FAT3: variants seen among roughly 807,000 people sequenced by gnomAD.
FAT3 encodes FAT atypical cadherin 3.
Under a neutral mutation model 310.2 loss-of-function variants are expected in FAT3, and 95 were observed. The observed-to-expected ratio is 0.31, with a 90% CI of 0.26 to 0.36. The LOEUF (loss-of-function observed/expected upper bound fraction) is 0.36, where lower values mean the gene tolerates loss of function less well. Ranked by LOEUF, FAT3 falls within the 10% of genes least tolerant of loss-of-function variation. The probability of loss-of-function intolerance (pLI) is 1.00; values close to 1 mark genes in which losing one functional copy is unlikely to be tolerated. For synonymous variants in FAT3, 2,314 were observed against 2,192.9 expected (o/e 1.06, Z -1.54); for missense variants, 5,408 against 5,715.6 (o/e 0.95, Z 1.74).
chr11:92,554,113 T>G (rs1954922639), intron 3 of FAT3, among the ~76,000 whole-genome samples: 1 of 151,984 alleles, frequency 6.6e-6, no homozygotes, highest in African/African-American at 2.4e-5. Flanking sequence ...GCTCCCTGTT[T>G]CTTTGTTATT....
intron 1 of FAT3, among the ~76,000 whole-genome samples, chr11:92,323,051 G>GA (rs1450720939): frequency 6.6e-6 from 1 of 152,072 alleles, no homozygotes; most frequent in Non-Finnish European, 1.5e-5. Context: ...ATAGCCATTT[G>GA]AAATGAATTT....
chr11:92,875,030 A>G (rs1292824810), intron 22 of FAT3, among the ~76,000 whole-genome samples: 1 of 152,052 alleles, frequency 6.6e-6, no homozygotes, highest in East Asian at 1.9e-4. Context: ...ATCATTATTG[A>G]TATTTTTGAA....
At chr11:92,312,005 A>G (rs1458203) in intron 1 of FAT3, among the ~76,000 whole-genome samples, 56,565 of 152,040 alleles carry the variant, frequency 0.37, 14,857 homozygotes, top group African/African-American at 0.75. Context: ...AAAAAAAACA[A>G]ATACTTCGCC....
chr11:92,804,848 G>A (rs1294533846), intron 10 of FAT3, among the ~76,000 whole-genome samples: 2 of 152,308 alleles, frequency 1.3e-5, no homozygotes, highest in Admixed American at 6.5e-5. Context: ...CTGAGAAGAC[G>A]ATTGATTGTT....
chr11:92,440,970 T>C (rs898199839), intron 2 of FAT3, among the ~76,000 whole-genome samples: 2 of 152,196 alleles, frequency 1.3e-5, no homozygotes, highest in African/African-American at 4.8e-5. Flanking sequence ...TCCAATCTCT[T>C]GCAGCACTAA....
intron 3 of FAT3, among the ~76,000 whole-genome samples, chr11:92,644,406 T>C (rs2135737186): frequency 6.6e-6 from 1 of 152,308 alleles, no homozygotes; most frequent in East Asian, 1.9e-4. Flanking sequence ...ACTTCCTCAC[T>C]GGGTGATGCT....
At chr11:92,278,785 C>T (rs1256477445) in intron 1 of FAT3, among the ~76,000 whole-genome samples, 2 of 152,098 alleles carry the variant, frequency 1.3e-5, no homozygotes, top group Non-Finnish European at 1.5e-5. Context: ...GGTTTCCTGT[C>T]ATTAGTAGCG....
intron 2 of FAT3, among the ~76,000 whole-genome samples, chr11:92,356,640 T>G (rs1011980465): frequency 1.2e-4 from 18 of 152,244 alleles, no homozygotes; most frequent in Admixed American, 1.2e-3. Flanking sequence ...ATTAAGGCTG[T>G]ACCCTCATGA....
At chr11:92,818,487 A>G (rs926616262) in intron 13 of FAT3, among the ~76,000 whole-genome samples, 2 of 144,218 alleles carry the variant, frequency 1.4e-5, no homozygotes, top group African/African-American at 5.2e-5. Context: ...AGGATTTTCT[A>G]AGTAGACAGC....
chr11:92,462,909 A>G (rs1453506364), intron 2 of FAT3, among the ~76,000 whole-genome samples: 3 of 152,216 alleles, frequency 2.0e-5, no homozygotes, highest in Non-Finnish European at 4.4e-5. Context: ...ACTTTCCTGC[A>G]GTCAACTCTG....
rs758031100 is a variant in FAT3, at chr11:92,790,087, A to G, written c.4480A>G (p.Ser1494Gly). 15 of 1,613,758 alleles carry G rather than the reference A, an allele frequency of 9.3e-6. No homozygotes were observed. In the East Asian group the frequency reaches 3.1e-4, roughly 34 times the overall value. ...AGATAGAGATGAGAAGCACAAGCTG[A>G]GCTACACTGTTCATAGCAGCATCGA... The part of the protein sequence containing the change: ...ATDRDEKHKL[S>G]YTVHSSIDSI... Residue 1494 changes from serine (S) to glycine (G), a missense_variant, in exon 8 of 28, where the codon AGC becomes GGC. Coordinates refer to ENST00000525166, the MANE Select transcript of FAT3 (RefSeq NM_001367949.2).
chr11:92,412,740 T>TATAA (rs1555038610), intron 2 of FAT3, among the ~76,000 whole-genome samples: 157 of 76,252 alleles, frequency 2.1e-3, no homozygotes, highest in African/African-American at 0.014. Context: ...TATATATATA[T>TATAA]ATATAAATAT....
intron 2 of FAT3, among the ~76,000 whole-genome samples, chr11:92,521,464 G>T (rs1187191336): frequency 3.3e-5 from 5 of 152,118 alleles, no homozygotes; most frequent in Non-Finnish European, 7.4e-5. Context: ...CATTTAGAAT[G>T]CCTATGGTAT....
intron 10 of FAT3, among the ~76,000 whole-genome samples, chr11:92,804,697 G>C (rs371797317): frequency 2.0e-5 from 3 of 152,120 alleles, no homozygotes; most frequent in Non-Finnish European, 2.9e-5. Context: ...TATGATAAAG[G>C]CTTCATTAAA....
chr11:92,239,688 G>A (rs1590991986), intron 1 of FAT3, among the ~76,000 whole-genome samples: 2 of 152,256 alleles, frequency 1.3e-5, no homozygotes, highest in African/African-American at 4.8e-5. Flanking sequence ...TTGCACAGGA[G>A]AGGTTGAATT....
chr11:92,297,333 A>T (rs1946876008), intron 1 of FAT3, among the ~76,000 whole-genome samples: 1 of 152,102 alleles, frequency 6.6e-6, no homozygotes, highest in Admixed American at 6.6e-5. Context: ...AAGGCCTTGT[A>T]TTAGTTAGTT....
intron 2 of FAT3, among the ~76,000 whole-genome samples, chr11:92,359,385 T>G (rs908195776): frequency 2.6e-5 from 4 of 152,236 alleles, no homozygotes; most frequent in African/African-American, 9.6e-5. Flanking sequence ...AAAAATCTAT[T>G]TCTATGCTTC....
At chr11:92,329,934 G>C (rs1287827866) in intron 1 of FAT3, among the ~76,000 whole-genome samples, 1 of 151,534 alleles carries the variant, frequency 6.6e-6, no homozygotes, top group Non-Finnish European at 1.5e-5. Flanking sequence ...CCTGTGCTTA[G>C]TACACTTCAG....
intron 2 of FAT3, among the ~76,000 whole-genome samples, chr11:92,443,089 G>T (rs1282880916): frequency 6.6e-6 from 1 of 152,108 alleles, no homozygotes; most frequent in African/African-American, 2.4e-5. Context: ...TATTTCAAAT[G>T]TCTAGTCAAG....
Sources: gnomAD v4.1 joint callset for allele counts (sites outside exome capture counted in the v4.1 genomes callset) on GRCh38, gnomAD v4.1.1 for gene constraint, MANE v1.5 for transcripts, NCBI Gene and HGNC (gene_info 2026-07-23, HGNC 2026-07-21) for gene names.